ANKMY1: variants seen among roughly 807,000 people sequenced by gnomAD.
The protein encoded by ANKMY1 is ankyrin repeat and MYND domain-containing protein 1.
In ANKMY1, 98 loss-of-function variants were observed where a neutral mutation model predicts 102.0. The ratio of observed to expected loss-of-function variants is 0.96; its 90% CI spans 0.82 to 1.14. ANKMY1 has a LOEUF of 1.14. Ranked by LOEUF, ANKMY1 falls within the 50% of genes most tolerant of loss-of-function variation. The probability of loss-of-function intolerance (pLI) is 0.00; values close to 1 mark genes in which losing one functional copy is unlikely to be tolerated. For synonymous variants in ANKMY1, 582 were observed against 559.9 expected, an observed-to-expected ratio of 1.04 and a Z score of -0.56; for missense variants, 1,330 against 1,347.6, an observed-to-expected ratio of 0.99 and a Z score of 0.20.
At chr2:240,489,440 G>GCT (rs2076398066) in intron 15 of ANKMY1, among the ~76,000 whole-genome samples, 1 of 149,042 alleles carries the variant, frequency 6.7e-6, no homozygotes, top group Non-Finnish European at 1.5e-5. Context: ...CTGGGCAACA[G>GCT]AGCAAGACTC....
chr2:240,532,471 A>G (rs941459958), intron 4 of ANKMY1, among the ~76,000 whole-genome samples: 2 of 152,212 alleles, frequency 1.3e-5, no homozygotes, highest in African/African-American at 4.8e-5. Context: ...AAAAAAAGTA[A>G]TTAATTAAAT....
At chr2:240,501,268 ATGTG>A (rs1204760426) in intron 13 of ANKMY1, among the ~76,000 whole-genome samples, 1 of 152,252 alleles carries the variant, frequency 6.6e-6, no homozygotes, top group South Asian at 2.1e-4. Flanking sequence ...AAGGGCATGC[ATGTG>A]TGTTTGTGAG....
upstream of ANKMY1, among the ~76,000 whole-genome samples, chr2:240,559,266 A>C (rs1227173288): frequency 6.6e-6 from 1 of 152,182 alleles, no homozygotes; most frequent in Non-Finnish European, 1.5e-5. Flanking sequence ...CTCCAACCGT[A>C]AAGGGTGATG....
At chr2:240,486,323 A>T (rs1339532008) in intron 15 of ANKMY1, among the ~76,000 whole-genome samples, 7 of 151,982 alleles carry the variant, frequency 4.6e-5, no homozygotes, top group Non-Finnish European at 5.9e-5. Flanking sequence ...ACACACACAC[A>T]TAATATATAA....
intron 4 of ANKMY1, among the ~76,000 whole-genome samples, chr2:240,543,689 A>G (rs1559368716): frequency 6.6e-6 from 1 of 152,144 alleles, no homozygotes; most frequent in Non-Finnish European, 1.5e-5. Flanking sequence ...GAAATAAATG[A>G]TACATAAATA....
intron 1 of ANKMY1, 159 bp from the exon 2 acceptor site, chr2:240,557,511 C>T: frequency 1.3e-6 from 1 of 773,072 alleles, no homozygotes; most frequent in Non-Finnish European, 1.9e-6. Context: ...TCCCGGACCA[C>T]CATCCCTGGG....
intron 15 of ANKMY1, among the ~76,000 whole-genome samples, chr2:240,486,969 T>A (rs1261307702): frequency 2.0e-5 from 3 of 152,248 alleles, no homozygotes; most frequent in Non-Finnish European, 4.4e-5. Context: ...ATGTATATAC[T>A]GTGTAGTGAT....
rs369616318 is a variant in ANKMY1 at position 240,492,968 on chromosome 2, G to A, written c.2806+6990C>T. Among the ~76,000 whole-genome samples, 37 of 152,240 alleles carry A rather than the reference G, an allele frequency of 2.4e-4. 2 individuals carry two copies. In the South Asian group the frequency reaches 6.6e-3, roughly 27 times the overall value. The stretch of plus-strand genomic sequence containing the variant: ...GCCTCCCAATGTTGGGATTACAGGC[G>A]TGAGCCACCTCACCTGGCCTAAAAA... On this transcript the variant is annotated intron_variant, in intron 15 of 17. Transcript: ENST00000401804.
chr2:240,544,387 T>C (rs920233656), intron 4 of ANKMY1, among the ~76,000 whole-genome samples: 2 of 152,084 alleles, frequency 1.3e-5, no homozygotes, highest in Non-Finnish European at 1.5e-5. Context: ...GCAGAGAAAA[T>C]AGAAAGTTGA....
rs761625513 is a variant in ANKMY1 at position 240,480,928 on chromosome 2, C to G, written c.3046+9G>C. 3.1e-6 allele frequency: 5 copies of G among 1,602,280 alleles called. No individual in the cohort carries two copies. In the Admixed American group the frequency reaches 8.4e-5, roughly 27 times the overall value. On this transcript the variant is annotated intron_variant, in intron 17 of 17. Coordinates refer to ENST00000401804, the MANE Select transcript of ANKMY1 (RefSeq NM_001282771.3). ...GAACCCTTGCCTCCCAGCCTGAGGG[C>G]CGACCTACCGATGGCCACCAGGTCC...
At position 240,557,354 on chromosome 2, in the gene ANKMY1, T is replaced by C. The variant is rs941132735; in HGVS notation, c.-17-2A>G. 19 of 1,501,348 alleles carry C rather than the reference T, an allele frequency of 1.3e-5. No homozygotes were observed. Among genetic ancestry groups the C allele is most frequent in the Non-Finnish European group, 1.7e-5 (19 of 1,116,032 alleles). The allele number at this position is 1,501,348 out of a possible 1,614,324, so 93.0% of individuals were successfully genotyped here. On this transcript the variant is annotated splice_acceptor_variant, in intron 1 of 17. Transcript: ENST00000401804. LOFTEE classifies it low-confidence loss of function (5UTR_SPLICE). ...CTTCCATGTCTGTGGTCTTCCAACC[T>C]GCAAGCGACGTCAGGACCGCACATG...
Position 240,520,630 on chromosome 2 carries a change from G to C in ANKMY1, c.1833-97C>G. 3 of 1,428,782 alleles carry C rather than the reference G, an allele frequency of 2.1e-6. No individual in the cohort carries two copies. The South Asian group carries it at 4.1e-5, about 20-fold the overall frequency. 88.5% of individuals were successfully genotyped at this position (1,428,782 alleles called of 1,614,324 possible). ...CAGCGAGGAGGCTGGGGAGGGGCGC[G>C]TAGGGAGTATGTGTGTGCCGCAACT... On this transcript the variant is annotated intron_variant, in intron 8 of 17. Transcript: ENST00000401804. The surrounding 1 kb of genome is among the most constrained non-coding windows in gnomAD (Gnocchi z 4.8).
chr2:240,475,838 T>C (rs1377172426), downstream of ANKMY1, among the ~76,000 whole-genome samples: 10 of 152,038 alleles, frequency 6.6e-5, no homozygotes, highest in Admixed American at 2.0e-4. Flanking sequence ...CTATAAAATA[T>C]TGATGAGAGA....
chr2:240,507,673 T>A lies in ANKMY1; in HGVS notation c.2413A>T (p.Thr805Ser), dbSNP rs754057963. 3.1e-6 allele frequency: 5 copies of A among 1,608,614 alleles called. No homozygotes were observed. The highest frequency in any genetic ancestry group is 4.2e-6 in the Non-Finnish European group (5 of 1,177,210). Residue 805 changes from threonine to serine, a missense_variant, in exon 13 of 18, where the codon ACC (threonine) becomes TCC (serine). By Grantham distance (58) the Thr-to-Ser change is moderately conservative (BLOSUM62 1). Coordinates refer to ENST00000401804, the MANE Select transcript of ANKMY1 (RefSeq NM_001282771.3). The stretch of plus-strand genomic sequence containing the variant: ...GGCAGGTTGGGGTCAGCTCCCTGGG[T>A]CAGGAGCTCCTTCACAACCTGAACA... The part of the protein sequence containing the change: ...GNELVVKELL[T>S]QGADPNLPLT...
chr2:240,493,465 T>C (rs906504633), intron 15 of ANKMY1, among the ~76,000 whole-genome samples: 1 of 152,250 alleles, frequency 6.6e-6, no homozygotes, highest in Non-Finnish European at 1.5e-5. Context: ...AGTTGCTTTT[T>C]CCTATTTTTA....
In ANKMY1 at chr2:240,487,528, T is replaced by A. The variant is rs186216303; in HGVS notation, c.2807-5267A>T. 4.6e-5 allele frequency among the ~76,000 whole-genome samples: 7 copies of A among 152,308 alleles called. No individual in the cohort carries two copies. In the East Asian group the frequency reaches 9.6e-4, roughly 21 times the overall value. On this transcript the variant is annotated intron_variant, in intron 15 of 17. Coordinates refer to ENST00000401804, the MANE Select transcript of ANKMY1 (RefSeq NM_001282771.3). ...TGACTGCTGGATCAAATGATAATTT[T>A]TTTTTTTAGAAATCTTCATACTGTT... is the stretch of plus-strand genomic sequence containing the variant.
chr2:240,469,068 G>A, the ANKMY1 span, among the ~76,000 whole-genome samples: 1 of 152,212 alleles, frequency 6.6e-6, no homozygotes, highest in Non-Finnish European at 1.5e-5. Flanking sequence ...GCCCCTAGGG[G>A]ACAGGTGAGC....
rs1325005671 is a variant in ANKMY1, at chr2:240,506,014, C to T, written c.2526+1546G>A. 6.6e-6 allele frequency among the ~76,000 whole-genome samples: 1 copy of T among 152,182 alleles called. No homozygotes were observed. Among genetic ancestry groups the T allele is most frequent in the Non-Finnish European group, 1.5e-5 (1 of 68,028 alleles). On this transcript the variant is annotated intron_variant, in intron 13 of 17. Coordinates refer to ENST00000401804, the MANE Select transcript of ANKMY1 (RefSeq NM_001282771.3). This position sits in a 1 kb window ranked among gnomAD's most constrained non-coding sequence, Gnocchi z 4.9. ...TTAGGGTTGGCAGCACTACCAGGTT[C>T]CCTAACCCCGGATGAGGCACCGGGG...
chr2:240,509,924 T>C (rs2152162552), intron 11 of ANKMY1, among the ~76,000 whole-genome samples: 1 of 151,784 alleles, frequency 6.6e-6, no homozygotes, highest in Non-Finnish European at 1.5e-5. Flanking sequence ...GGCAGCCCCG[T>C]CCATGCCTCC....
Sources: gnomAD v4.1 joint callset for allele counts (sites outside exome capture counted in the v4.1 genomes callset) on GRCh38, gnomAD v4.1.1 for gene constraint, Gnocchi (gnomAD v3.1) non-coding constraint, MANE v1.5 for transcripts, NCBI Gene and HGNC (gene_info 2026-07-23, HGNC 2026-07-21) for gene names.